The following ADAP2 variants were observed in gnomAD, a reference collection of about 807,000 sequenced individuals.
ADAP2 encodes the protein arf-GAP with dual PH domain-containing protein 2.
ADAP2 carries 42 observed loss-of-function variants against 54.9 expected under a neutral mutation model. The observed-to-expected ratio is 0.77, with a 90% CI of 0.60 to 0.99. The LOEUF (loss-of-function observed/expected upper bound fraction) is 0.99. Among genes scored for constraint, ADAP2 ranks in the 50% least tolerant of loss-of-function variants. ADAP2 has a pLI of 0.00. For synonymous variants in ADAP2, 177 were observed against 180.1 expected, an observed-to-expected ratio of 0.98 and a Z score of 0.14; for missense variants, 429 against 480.4, an observed-to-expected ratio of 0.89 and a Z score of 1.00.
intron 8 of ADAP2, among the ~76,000 whole-genome samples, chr17:30,953,941 C>G (rs975446238): frequency 6.6e-6 from 1 of 151,994 alleles, no homozygotes; most frequent in Non-Finnish European, 1.5e-5. Flanking sequence ...TGGCCCAAGA[C>G]AATTCTTCCA....
At chr17:30,934,937 C>T (rs889473277) in intron 5 of ADAP2, among the ~76,000 whole-genome samples, 5 of 152,246 alleles carry the variant, frequency 3.3e-5, no homozygotes, top group South Asian at 2.1e-4. Context: ...CCTGTAGTCC[C>T]AGCTACTAGG....
At chr17:30,934,627 G>A (rs563885555) in intron 5 of ADAP2, among the ~76,000 whole-genome samples, 1 of 152,100 alleles carries the variant, frequency 6.6e-6, no homozygotes, top group Non-Finnish European at 1.5e-5. Flanking sequence ...ATACAGCAGG[G>A]AACTAAACAA....
rs769970264 is a variant in ADAP2 at position 30,926,781 on chromosome 17, G to A, written c.226-46G>A. 34 of 1,556,906 alleles carry A rather than the reference G, an allele frequency of 2.2e-5. No individual in the cohort carries two copies. The Middle Eastern group carries it at 1.3e-3, about 61-fold the overall frequency. Reference sequence around the variant, plus strand: ...CAGTGGCCTCATAGTTTCATTTCACGTTTTTTCAAGTTCTAATATTACCTC... The same window carrying A: ...CAGTGGCCTCATAGTTTCATTTCACATTTTTTCAAGTTCTAATATTACCTC... On this transcript the variant is annotated intron_variant, in intron 2 of 10. Coordinates refer to ENST00000330889, the MANE Select transcript of ADAP2 (RefSeq NM_018404.3).
At chr17:30,926,752 A>G (rs1011802311) in intron 2 of ADAP2, 75 bp from the exon 3 acceptor site, 60 of 1,328,866 alleles carry the variant, frequency 4.5e-5, no homozygotes, top group Non-Finnish European at 6.5e-5. Context: ...GACTCAGCCT[A>G]AGTCAGTGGC....
intron 7 of ADAP2, among the ~76,000 whole-genome samples, chr17:30,951,263 G>A (rs1412721748): frequency 6.6e-6 from 1 of 152,142 alleles, no homozygotes; most frequent in African/African-American, 2.4e-5. Flanking sequence ...GCTATTGTGA[G>A]ACTCCAGCGA....
At position 30,927,044 on chromosome 17, in the gene ADAP2, A is replaced by C. The variant is rs1911109785; in HGVS notation, c.317+126A>C. On this transcript the variant is annotated intron_variant, in intron 3 of 10. Transcript: ENST00000330889. ...ATGGGCCTGGTGCGCAGGTGGATCC[A>C]GGAAAGCACTGGATACCATCACAGA... 5 of 704,006 alleles carry C rather than the reference A, an allele frequency of 7.1e-6. No individual in the cohort carries two copies. In the East Asian group the frequency reaches 8.1e-5, roughly 11 times the overall value. The allele number at this position is 704,006 out of a possible 1,614,324, so 43.6% of individuals were successfully genotyped here. A position where few individuals can be genotyped will look rare whatever the true frequency, so the allele number is the denominator to read the frequency against.
chr17:30,958,215 TAA>T lies in ADAP2; in HGVS notation c.*360_*361del, dbSNP rs113136221. ...ACAGCATCATGCAAGTGGCATCTTG[TAA>T]AAAAAAAAAAAAAGTTTAATCTGAA... On this transcript the variant is annotated 3_prime_UTR_variant, in exon 11 of 11. Coordinates refer to ENST00000330889, the MANE Select transcript of ADAP2 (RefSeq NM_018404.3). The T allele has an allele frequency of 7.0e-3, 1,308 of 187,712 alleles. No individual in the cohort carries two copies. The highest frequency in any genetic ancestry group is 0.015 in the South Asian group (131 of 8,816). The allele number at this position is 187,712 out of a possible 1,614,324, so 11.6% of individuals were successfully genotyped here.
chr17:30,954,436 A>G (rs764712927), intron 8 of ADAP2, 42 bp from the exon 9 acceptor site: 1 of 1,587,930 alleles, frequency 6.3e-7, no homozygotes, highest in Non-Finnish European at 8.6e-7. Flanking sequence ...ATCCTCAGAA[A>G]CTGACCTGGT....
At chr17:30,935,947 C>T (rs1361573260) in intron 5 of ADAP2, among the ~76,000 whole-genome samples, 1 of 152,078 alleles carries the variant, frequency 6.6e-6, no homozygotes, top group Non-Finnish European at 1.5e-5. Flanking sequence ...ATATAATTCA[C>T]CCATTAAAAG....
At chr17:30,932,891 GAA>G (rs1007057385) in intron 4 of ADAP2, among the ~76,000 whole-genome samples, 1 of 152,132 alleles carries the variant, frequency 6.6e-6, no homozygotes, top group Non-Finnish European at 1.5e-5. Flanking sequence ...GTAAATTGCA[GAA>G]AGACTCCTCC....
chr17:30,949,804 A>G (rs1177953186), intron 7 of ADAP2, among the ~76,000 whole-genome samples: 3 of 151,906 alleles, frequency 2.0e-5, no homozygotes, highest in Non-Finnish European at 4.4e-5. Flanking sequence ...TTTGCAGGCA[A>G]GACCTCGAGG....
At chr17:30,929,948 C>G (rs974917659) in intron 3 of ADAP2, among the ~76,000 whole-genome samples, 3 of 152,016 alleles carry the variant, frequency 2.0e-5, no homozygotes, top group African/African-American at 7.2e-5. Context: ...CTGAGCTGAG[C>G]TCAAGCCATC....
At chr17:30,948,118 C>T (rs1240693299) in intron 6 of ADAP2, among the ~76,000 whole-genome samples, 1 of 152,148 alleles carries the variant, frequency 6.6e-6, no homozygotes, top group Non-Finnish European at 1.5e-5. Flanking sequence ...GCGGGCTAAG[C>T]AGAATGTCCC....
At position 30,926,893 on chromosome 17, in the gene ADAP2, T is replaced by G. The variant is rs762596509; in HGVS notation, c.292T>G (p.Tyr98Asp). Residue 98 changes from tyrosine to aspartate, a missense_variant, in exon 3 of 11, where the codon TAC becomes GAC. Coordinates refer to ENST00000330889, the MANE Select transcript of ADAP2 (RefSeq NM_018404.3). ...KFEARVPAFYYIPQANDCLVL... is the reference protein window; with the variant it reads ...KFEARVPAFYDIPQANDCLVL... The stretch of plus-strand genomic sequence containing the variant: ...CGAAGCCAGAGTCCCAGCTTTCTAC[T>G]ACATCCCCCAGGCCAACGACTGCCT... 3.8e-5 allele frequency: 62 copies of G among 1,614,064 alleles called. No homozygotes were observed. The highest frequency in any genetic ancestry group is 5.1e-5 in the Non-Finnish European group (60 of 1,180,018).
intron 5 of ADAP2, among the ~76,000 whole-genome samples, chr17:30,944,595 G>T (rs1395141486): frequency 6.6e-6 from 1 of 152,154 alleles, no homozygotes; most frequent in African/African-American, 2.4e-5. Context: ...GAGTTGTTGG[G>T]ATTACAGGTG....
In ADAP2 at chr17:30,956,379, C is replaced by T. The variant is rs985081750; in HGVS notation, c.1021C>T (p.Leu341Phe). 1.9e-6 allele frequency: 3 copies of T among 1,614,214 alleles called. No homozygotes were observed. The highest frequency in any genetic ancestry group is 2.5e-6 in the Non-Finnish European group (3 of 1,180,038). Residue 341 changes from leucine (L) to phenylalanine (F), a missense_variant, in exon 10 of 11, where the codon CTC becomes TTC. Transcript: ENST00000330889. Reference sequence around the variant, plus strand: ...TGTCACCCCAGAGCGGAGATTTGTCCTCACTTGCCCCAGTGAGAAGGAACA... The same window carrying T: ...TGTCACCCCAGAGCGGAGATTTGTCTTCACTTGCCCCAGTGAGAAGGAACA... ...TIVTPERRFV[L>F]TCPSEKEQQE...
In ADAP2 at chr17:30,957,916, G is replaced by A. The variant is rs367652494; in HGVS notation, c.*47G>A. On this transcript the variant is annotated 3_prime_UTR_variant, in exon 11 of 11. Coordinates refer to ENST00000330889, the MANE Select transcript of ADAP2 (RefSeq NM_018404.3). ...TGCCACTGAACACCTGGAACTCCTT[G>A]TGGGAAGAAGTTTGCACCTCGGCCC... 6 of 1,594,912 alleles carry A rather than the reference G, an allele frequency of 3.8e-6. No homozygotes were observed. The highest frequency in any genetic ancestry group is 5.1e-6 in the Non-Finnish European group (6 of 1,167,062).
intron 6 of ADAP2, among the ~76,000 whole-genome samples, chr17:30,946,096 A>G (rs908529054): frequency 1.3e-5 from 2 of 151,402 alleles, no homozygotes; most frequent in African/African-American, 4.8e-5. Flanking sequence ...CAGAGCTTGC[A>G]GTGAGCCGAG....
rs139892625 is a variant in ADAP2 at position 30,944,263 on chromosome 17, A to C, written c.511-644A>C. Reference sequence around the variant, plus strand: ...GATTGATCTGGAGAACATTATCTTAAGTAACTAACAAAGGAACAGAAAACC... The same window carrying C: ...GATTGATCTGGAGAACATTATCTTACGTAACTAACAAAGGAACAGAAAACC... On this transcript the variant is annotated intron_variant, in intron 5 of 10. Transcript: ENST00000330889. 2.0e-5 allele frequency among the ~76,000 whole-genome samples: 3 copies of C among 152,332 alleles called. No individual in the cohort carries two copies. The East Asian group carries it at 5.8e-4, about 29-fold the overall frequency.
Sources: allele counts gnomAD v4.1 joint callset (sites outside exome capture counted in the v4.1 genomes callset), GRCh38; gene constraint gnomAD v4.1.1; transcripts MANE v1.5; gene names NCBI Gene and HGNC (gene_info 2026-07-23, HGNC 2026-07-21).